The following BCAR3 variants were observed in gnomAD, a reference collection of about 807,000 sequenced individuals.
The protein encoded by BCAR3 is breast cancer anti-estrogen resistance protein 3.
BCAR3 carries 37 observed loss-of-function variants against 80.1 expected under a neutral mutation model. That is an observed-to-expected ratio of 0.46 (90% CI 0.36 to 0.61). The LOEUF (loss-of-function observed/expected upper bound fraction) is 0.61, where lower values mean the gene tolerates loss of function less well. Ranked by LOEUF, BCAR3 falls within the 20% of genes least tolerant of loss-of-function variation. BCAR3 has a pLI of 0.00. For missense variants in BCAR3, 978 were observed against 1,068.2 expected, an observed-to-expected ratio of 0.92 and a Z score of 1.18; for synonymous variants, 389 against 418.9, an observed-to-expected ratio of 0.93 and a Z score of 0.87.
intron 2 of BCAR3, among the ~76,000 whole-genome samples, chr1:93,735,056 A>C (rs1233158008): frequency 2.0e-5 from 3 of 152,160 alleles, no homozygotes; most frequent in Non-Finnish European, 4.4e-5. Context: ...GATGGTGCCT[A>C]TCTTGCTCAC....
At chr1:93,833,736 T>A (rs541605770) in intron 2 of BCAR3, among the ~76,000 whole-genome samples, 1 of 152,328 alleles carries the variant, frequency 6.6e-6, no homozygotes, top group South Asian at 2.1e-4. Flanking sequence ...ATTGCTGTTA[T>A]CCTGTTCTTT....
intron 2 of BCAR3, among the ~76,000 whole-genome samples, chr1:93,774,412 A>G (rs1211042874): frequency 6.7e-6 from 1 of 149,794 alleles, no homozygotes; most frequent in Non-Finnish European, 1.5e-5. Context: ...TGAACCCAGG[A>G]GGCAGAGGTT....
At chr1:93,831,837 C>G (rs1196784430) in intron 2 of BCAR3, among the ~76,000 whole-genome samples, 1 of 152,220 alleles carries the variant, frequency 6.6e-6, no homozygotes, top group Non-Finnish European at 1.5e-5. Context: ...CCTCCCCGAC[C>G]TGCCCAACAA....
intron 9 of BCAR3, among the ~76,000 whole-genome samples, chr1:93,571,157 T>A (rs1399321107): frequency 1.3e-5 from 2 of 149,974 alleles, no homozygotes; most frequent in East Asian, 3.9e-4. Flanking sequence ...TGAGCCAAGA[T>A]CACACCATTG....
intron 3 of BCAR3, among the ~76,000 whole-genome samples, chr1:93,700,874 C>A (rs1003429069): frequency 6.6e-6 from 1 of 152,326 alleles, no homozygotes; most frequent in East Asian, 1.9e-4. Context: ...TGAGCTACTG[C>A]GGAGGGTAGG....
At chr1:93,564,235 C>T (rs1440669274) in intron 11 of BCAR3, among the ~76,000 whole-genome samples, 1 of 150,530 alleles carries the variant, frequency 6.6e-6, no homozygotes, top group Non-Finnish European at 1.5e-5. Context: ...TATATGTGTA[C>T]TCAATGTTTT....
At chr1:93,736,764 G>A (rs1490717522) in intron 2 of BCAR3, among the ~76,000 whole-genome samples, 1 of 151,968 alleles carries the variant, frequency 6.6e-6, no homozygotes, top group African/African-American at 2.4e-5. Context: ...ATAAAAGGAG[G>A]GAAAAAATTC....
chr1:93,818,412 G>A (rs930894499), intron 2 of BCAR3, among the ~76,000 whole-genome samples: 2 of 152,206 alleles, frequency 1.3e-5, no homozygotes, highest in East Asian at 1.9e-4. Context: ...TGCCTACCAC[G>A]CAAGTCCCCA....
chr1:93,728,518 A>T (rs1650674462), intron 2 of BCAR3, among the ~76,000 whole-genome samples: 1 of 152,198 alleles, frequency 6.6e-6, no homozygotes, highest in Admixed American at 6.5e-5. Context: ...GAAGAATTGG[A>T]TCACGCGTGG....
At chr1:93,745,568 A>C (rs979321969) in intron 2 of BCAR3, among the ~76,000 whole-genome samples, 4 of 152,204 alleles carry the variant, frequency 2.6e-5, no homozygotes, top group Non-Finnish European at 5.9e-5. Context: ...GCACAATCAA[A>C]TAAACATTCC....
intron 3 of BCAR3, among the ~76,000 whole-genome samples, chr1:93,695,231 C>T (rs2893248): frequency 0.7 from 105,896 of 152,072 alleles, 40,316 homozygotes; most frequent in East Asian, 0.98. Context: ...TACTCAGGAA[C>T]GCTCAGATTA....
In BCAR3 at chr1:93,791,103, G is replaced by A. The variant is rs1237371359; in HGVS notation, c.-63+54464C>T. ...AGTCTTTGTTATTGTGAATAATGCC[G>A]CAATAAACATACGTGTGCATGTGTC... On this transcript the variant is annotated intron_variant, in intron 2 of 13. Coordinates refer to the BCAR3 transcript ENST00000370244. 2.7e-4 allele frequency among the ~76,000 whole-genome samples: 23 copies of A among 84,186 alleles called. 8 individuals carry two copies. The highest frequency in any genetic ancestry group is 3.8e-4 in the Non-Finnish European group (18 of 47,780). The allele number at this position is 84,186 out of a possible 152,430, so 55.2% of individuals were successfully genotyped here. A position where few individuals can be genotyped will look rare whatever the true frequency, so the allele number is the denominator to read the frequency against.
chr1:93,604,578 A>G (rs1433223811), intron 3 of BCAR3, among the ~76,000 whole-genome samples: 1 of 152,232 alleles, frequency 6.6e-6, no homozygotes, highest in East Asian at 1.9e-4. Context: ...CATTAGAATC[A>G]TTGTGATAGG....
chr1:93,737,211 G>A (rs1455119593), intron 2 of BCAR3, among the ~76,000 whole-genome samples: 1 of 152,224 alleles, frequency 6.6e-6, no homozygotes, highest in Non-Finnish European at 1.5e-5. Flanking sequence ...TGAAAGTCTG[G>A]AGTAGAGAGA....
rs575117309 is a variant in BCAR3, at chr1:93,774,542, T to C, written c.-62-68400A>G. Among the ~76,000 whole-genome samples, 71 of 151,216 alleles carry C rather than the reference T, an allele frequency of 4.7e-4. No individual in the cohort carries two copies. In the South Asian group the frequency reaches 5.0e-3, roughly 11 times the overall value. On this transcript the variant is annotated intron_variant, in intron 2 of 13. Coordinates refer to the BCAR3 transcript ENST00000370244. ...ATGTACATTTTGACCCTAGCCTTGA[T>C]ACTTATTGTTGAAGCTGTAAAGGAG...
At chr1:93,566,973 C>T (rs549050590) in intron 11 of BCAR3, among the ~76,000 whole-genome samples, 2 of 152,316 alleles carry the variant, frequency 1.3e-5, no homozygotes, top group African/African-American at 4.8e-5. Context: ...AGTGATCTAC[C>T]TGCCTCAGCC....
At chr1:93,773,857 T>A (rs1652444710) in intron 2 of BCAR3, among the ~76,000 whole-genome samples, 1 of 152,198 alleles carries the variant, frequency 6.6e-6, no homozygotes, top group Non-Finnish European at 1.5e-5. Context: ...AGCCAGCTCA[T>A]CCTGCATCTC....
At chr1:93,585,334 A>G (rs1272220472) in intron 5 of BCAR3, among the ~76,000 whole-genome samples, 1 of 152,190 alleles carries the variant, frequency 6.6e-6, no homozygotes, top group Non-Finnish European at 1.5e-5. Flanking sequence ...CTCCCACTTA[A>G]ACATTTCTGG....
intron 11 of BCAR3, among the ~76,000 whole-genome samples, chr1:93,565,622 GT>G (rs140650538): frequency 1.1e-3 from 172 of 152,286 alleles, no homozygotes; most frequent in African/African-American, 3.9e-3. Context: ...AACATCCATG[GT>G]AATGTATTCA....
Sources: gnomAD v4.1 joint callset for allele counts (sites outside exome capture counted in the v4.1 genomes callset) on GRCh38, gnomAD v4.1.1 for gene constraint, MANE v1.5 for transcripts, NCBI Gene and HGNC (gene_info 2026-07-23, HGNC 2026-07-21) for gene names.